AKAP9: variants seen among roughly 807,000 people sequenced by gnomAD.
The protein encoded by AKAP9 is A-kinase anchoring protein 9.
AKAP9 carries 311 observed loss-of-function variants against 488.5 expected under a neutral mutation model. The observed-to-expected ratio is 0.64, with a 90% CI of 0.58 to 0.70. AKAP9 has a LOEUF of 0.70. AKAP9 is among the 30% of genes least tolerant of loss of function. The pLI, the probability that AKAP9 is intolerant of heterozygous loss-of-function variation, is 0.00. For missense variants in AKAP9, 4,215 were observed against 4,374.5 expected (o/e 0.96, Z 1.03); for synonymous variants, 1,462 against 1,483.5 (o/e 0.99, Z 0.33).
In AKAP9 at chr7:92,097,143, A is replaced by T; in HGVS notation, c.10184A>T (p.Gln3395Leu). 1 of 1,614,246 alleles carries T rather than the reference A, an allele frequency of 6.2e-7. No individual in the cohort carries two copies. Among genetic ancestry groups the T allele is most frequent in the Non-Finnish European group, 8.5e-7 (1 of 1,180,042 alleles). The change falls in exon 41 of 50, where the codon CAG becomes CTG. Residue 3395 changes from glutamine to leucine, a missense_variant. By Grantham distance (113) the Gln-to-Leu change is moderately radical. Transcript: ENST00000356239. ...QVHRKTLQTE[Q>L]EANTEGQKKM... Reference sequence around the variant, plus strand: ...CACAGGAAAACACTGCAGACAGAACAGGAGGCCAACACTGAGGGACAGAAA... The same window carrying T: ...CACAGGAAAACACTGCAGACAGAACTGGAGGCCAACACTGAGGGACAGAAA...
At chr7:91,972,184 A>C (rs1795190942) in intron 1 of AKAP9, among the ~76,000 whole-genome samples, 1 of 152,030 alleles carries the variant, frequency 6.6e-6, no homozygotes, top group African/African-American at 2.4e-5. Context: ...AACCTCTTAC[A>C]GTGTGATGCT....
rs1229292860 is a variant in AKAP9 at position 92,110,565 on chromosome 7, G to C, written c.*406G>C. The stretch of plus-strand genomic sequence containing the variant: ...ATATATTCTACTGGTGATGAAGACA[G>C]ATAATATCACTTGTAGAGACCTATT... On this transcript the variant is annotated 3_prime_UTR_variant, in exon 50 of 50. Coordinates refer to ENST00000356239, the MANE Select transcript of AKAP9 (RefSeq NM_005751.5). The C allele has an allele frequency of 7.0e-5, 17 of 242,060 alleles. No homozygotes were observed. The highest frequency in any genetic ancestry group is 1.3e-4 in the Non-Finnish European group (16 of 123,562). The allele number at this position is 242,060 out of a possible 1,614,324, so 15.0% of individuals were successfully genotyped here. A position where few individuals can be genotyped will look rare whatever the true frequency, so the allele number is the denominator to read the frequency against.
chr7:92,082,371 C>T, intron 31 of AKAP9, 151 bp from the exon 32 acceptor site: 3 of 735,702 alleles, frequency 4.1e-6, no homozygotes, highest in Non-Finnish European at 6.6e-6. Context: ...GAAAAAGCTT[C>T]TCTGTTTTTG....
At chr7:92,072,996 G>A (rs1303466662) in intron 28 of AKAP9, among the ~76,000 whole-genome samples, 1 of 152,094 alleles carries the variant, frequency 6.6e-6, no homozygotes, top group Admixed American at 6.5e-5. Context: ...TGAGTCTGAA[G>A]CCCTTGTGAT....
rs144054367 is a variant in AKAP9, at chr7:92,098,173, A to G, written c.10672A>G (p.Ile3558Val). 8.1e-4 allele frequency: 1,311 copies of G among 1,612,382 alleles called. 2 individuals are homozygous for G. Among genetic ancestry groups the G allele is most frequent in the Middle Eastern group, 1.3e-3 (8 of 6,058 alleles). ...IWVQENIDEI[I>V]LQLQKLTGQQ... ...GGTTCAGGAAAATATTGATGAAATT[A>G]TTTTACAACTACAGAAATTAACTGG... is the stretch of plus-strand genomic sequence containing the variant. Residue 3558 changes from isoleucine (I) to valine (V), a missense_variant, in exon 43 of 50, where the codon ATT becomes GTT. Ile to Val is a conservative substitution (Grantham distance 29). Coordinates refer to ENST00000356239, the MANE Select transcript of AKAP9 (RefSeq NM_005751.5).
chr7:92,008,052 A>G lies in AKAP9; in HGVS notation c.3319-4377A>G, dbSNP rs570198973. Among the ~76,000 whole-genome samples, 11 of 152,330 alleles carry G rather than the reference A, an allele frequency of 7.2e-5. No homozygotes were observed. In the East Asian group the frequency reaches 1.9e-3, roughly 27 times the overall value. On this transcript the variant is annotated intron_variant, in intron 8 of 49. Transcript: ENST00000356239. The stretch of plus-strand genomic sequence containing the variant: ...AACCAAAACAGGAGGAAAAGTTTTC[A>G]AGGATTTTGAAAGTTTATTATTTGA...
At chr7:91,979,782 G>A (rs1176875634) in intron 2 of AKAP9, among the ~76,000 whole-genome samples, 1 of 152,160 alleles carries the variant, frequency 6.6e-6, no homozygotes, top group Non-Finnish European at 1.5e-5. Flanking sequence ...TGGATATGGT[G>A]TACAAAGGGA....
At chr7:92,062,956 G>A (rs1810143200) in intron 24 of AKAP9, among the ~76,000 whole-genome samples, 2 of 152,110 alleles carry the variant, frequency 1.3e-5, no homozygotes, top group African/African-American at 4.8e-5. Context: ...CTAGTTTAAT[G>A]TAGTAGGAAT....
intron 1 of AKAP9, among the ~76,000 whole-genome samples, chr7:91,963,950 T>A (rs1584603705): frequency 1.3e-5 from 2 of 152,064 alleles, no homozygotes; most frequent in Admixed American, 6.5e-5. Flanking sequence ...TTCCTTTTTT[T>A]AAAGCACAAC....
At chr7:92,063,659 T>C (rs1810280101) in intron 24 of AKAP9, among the ~76,000 whole-genome samples, 1 of 152,208 alleles carries the variant, frequency 6.6e-6, no homozygotes, top group African/African-American at 2.4e-5. Flanking sequence ...AAATAAACTT[T>C]TCTTACAATA....
At chr7:91,974,101 A>G in intron 2 of AKAP9, 133 bp downstream of exon 2, 1 of 1,041,114 alleles carries the variant, frequency 9.6e-7, no homozygotes, top group Non-Finnish European at 1.4e-6. Context: ...TATGGTAACT[A>G]AACAGTCATA....
At chr7:91,966,366 G>C (rs1794442978) in intron 1 of AKAP9, among the ~76,000 whole-genome samples, 1 of 151,756 alleles carries the variant, frequency 6.6e-6, no homozygotes, top group Non-Finnish European at 1.5e-5. Flanking sequence ...GATTTTTTTT[G>C]TATGTGGTAA....
intron 16 of AKAP9, among the ~76,000 whole-genome samples, chr7:92,034,649 C>T (rs1233694315): frequency 6.7e-6 from 1 of 150,164 alleles, no homozygotes; most frequent in African/African-American, 2.4e-5. Flanking sequence ...TGCAGGCACG[C>T]ACCACCACAC....
chr7:92,017,385 A>T (rs1336330535), intron 12 of AKAP9, among the ~76,000 whole-genome samples: 3 of 152,128 alleles, frequency 2.0e-5, no homozygotes, highest in Non-Finnish European at 4.4e-5. Context: ...TTTTACATAT[A>T]ATGTAAAATT....
At chr7:92,102,933 TAGG>T (rs1163794263) in intron 46 of AKAP9, 107 bp downstream of exon 46, 1 of 1,028,978 alleles carries the variant, frequency 9.7e-7, no homozygotes, top group Non-Finnish European at 1.5e-6. Context: ...ATTTATATAG[TAGG>T]AGGTATGTGC....
chr7:91,999,767 CT>C (rs1433962129), intron 7 of AKAP9, among the ~76,000 whole-genome samples: 2 of 152,182 alleles, frequency 1.3e-5, no homozygotes, highest in Admixed American at 6.5e-5. Flanking sequence ...AACCAAAATT[CT>C]CAAAGGCTGT....
At position 92,084,872 on chromosome 7, in the gene AKAP9, G is replaced by T; in HGVS notation, c.8764G>T (p.Asp2922Tyr). 6.2e-7 allele frequency: 1 copy of T among 1,613,224 alleles called. No individual in the cohort carries two copies. Among genetic ancestry groups the T allele is most frequent in the South Asian group, 1.1e-5 (1 of 90,996 alleles). Residue 2922 changes from aspartate (D) to tyrosine (Y), a missense_variant, in exon 35 of 50, where the codon GAC (aspartate) becomes TAC (tyrosine). Transcript: ENST00000356239. ...GIYLTHSQGF[D>Y]IASEGRGEES... ...TTATCTTACACACAGTCAGGGATTT[G>T]ACATAGCATCAGAAGGCCGAGGAGA...
At chr7:91,977,481 A>G (rs1038186309) in intron 2 of AKAP9, among the ~76,000 whole-genome samples, 17 of 152,112 alleles carry the variant, frequency 1.1e-4, no homozygotes, top group African/African-American at 3.9e-4. Context: ...GCATGAACCC[A>G]GGAGGCGGAG....
At chr7:91,990,625 CTAAA>C (rs777576479) in intron 3 of AKAP9, among the ~76,000 whole-genome samples, 2 of 151,876 alleles carry the variant, frequency 1.3e-5, no homozygotes, top group African/African-American at 2.4e-5. Context: ...ACAGCAGTGG[CTAAA>C]TAAAGTACTA....
Sources: allele counts gnomAD v4.1 joint callset (sites outside exome capture counted in the v4.1 genomes callset), GRCh38; gene constraint gnomAD v4.1.1; transcripts MANE v1.5; gene names NCBI Gene and HGNC (gene_info 2026-07-23, HGNC 2026-07-21).